The following GLT1D1 variants were observed in gnomAD, a reference collection of about 807,000 sequenced individuals.
GLT1D1 encodes the protein glycosyltransferase 1 domain containing 1.
Under a neutral mutation model 28.7 loss-of-function variants are expected in GLT1D1, and 21 were observed. The observed-to-expected ratio is 0.73, with a 90% CI of 0.52 to 1.05. GLT1D1 has a LOEUF of 1.05. Ranked by LOEUF, GLT1D1 falls within the 50% of genes least tolerant of loss-of-function variation. GLT1D1 has a pLI of 0.00. For missense variants in GLT1D1, 343 were observed against 330.6 expected (o/e 1.04, Z -0.29); for synonymous variants, 147 against 124.8 (o/e 1.18, Z -1.19).
chr12:128,906,986 G>T (rs1249975352), intron 4 of GLT1D1: 2 of 701,768 alleles, frequency 2.8e-6, no homozygotes, highest in African/African-American at 1.7e-5. Context: ...AGATGTTAGC[G>T]CTGGCCTAAT....
intron 7 of GLT1D1, among the ~76,000 whole-genome samples, chr12:128,972,576 T>C (rs28709781): frequency 0.21 from 32,060 of 152,148 alleles, 3,931 homozygotes; most frequent in Non-Finnish European, 0.28. Context: ...ACAAGACCCA[T>C]CATAAGGAAG....
chr12:128,941,569 C>CA (rs1555272265), intron 4 of GLT1D1, among the ~76,000 whole-genome samples: 2 of 107,556 alleles, frequency 1.9e-5, no homozygotes, highest in African/African-American at 4.0e-5. Context: ...CTCTCTTTCT[C>CA]TTTTTTTTTT....
intron 1 of GLT1D1, among the ~76,000 whole-genome samples, chr12:128,857,698 G>A (rs1386547196): frequency 6.6e-6 from 1 of 152,176 alleles, no homozygotes; most frequent in African/African-American, 2.4e-5. Flanking sequence ...GACACTTGGT[G>A]AAGGAGTTCC....
chr12:128,870,779 G>A (rs1956663419), intron 1 of GLT1D1, among the ~76,000 whole-genome samples: 1 of 152,120 alleles, frequency 6.6e-6, no homozygotes, highest in Non-Finnish European at 1.5e-5. Context: ...ATCACCTGAG[G>A]TTGGGAGTTC....
chr12:128,903,148 CT>C (rs1315523246), intron 4 of GLT1D1, among the ~76,000 whole-genome samples: 1 of 151,766 alleles, frequency 6.6e-6, no homozygotes, highest in Non-Finnish European at 1.5e-5. Flanking sequence ...TTCCTTGACC[CT>C]CCAGAATTGG....
At chr12:128,924,391 C>T (rs192105092) in intron 4 of GLT1D1, among the ~76,000 whole-genome samples, 9 of 149,214 alleles carry the variant, frequency 6.0e-5, no homozygotes, top group African/African-American at 2.2e-4. Context: ...CGTGCTGCTG[C>T]ACTCCAGCAT....
At chr12:128,877,993 G>A (rs1023889993) in intron 2 of GLT1D1, among the ~76,000 whole-genome samples, 14 of 152,314 alleles carry the variant, frequency 9.2e-5, no homozygotes, top group Middle Eastern at 6.8e-3. Flanking sequence ...TCCTCACGAT[G>A]TGATGGCCAG....
intron 2 of GLT1D1, among the ~76,000 whole-genome samples, chr12:128,879,420 T>TTCTTTC: frequency 9.5e-6 from 1 of 105,430 alleles, no homozygotes; most frequent in African/African-American, 4.0e-5. Context: ...CTTTCTTTCT[T>TTCTTTC]TCTTTCTTTC....
At chr12:128,981,305 G>T (rs1880297497) in intron 7 of GLT1D1, among the ~76,000 whole-genome samples, 1 of 152,158 alleles carries the variant, frequency 6.6e-6, no homozygotes, top group African/African-American at 2.4e-5. Flanking sequence ...TTGTAAAAGG[G>T]CCATGCATTC....
intron 4 of GLT1D1, among the ~76,000 whole-genome samples, chr12:128,924,610 C>T (rs991012545): frequency 2.0e-5 from 3 of 152,040 alleles, no homozygotes; most frequent in Middle Eastern, 3.4e-3. Flanking sequence ...GCCCCCGCCA[C>T]CACGCCCAGT....
intron 2 of GLT1D1, among the ~76,000 whole-genome samples, chr12:128,881,004 C>T (rs1194214182): frequency 1.4e-5 from 2 of 148,120 alleles, no homozygotes; most frequent in Non-Finnish European, 3.0e-5. Flanking sequence ...ACGGGCGGAT[C>T]ACGAGGTCAG....
At chr12:128,879,435 T>TTTCTTTCTTTCC (rs1956972091) in intron 2 of GLT1D1, among the ~76,000 whole-genome samples, 1 of 120,290 alleles carries the variant, frequency 8.3e-6, no homozygotes, top group Admixed American at 9.0e-5. Flanking sequence ...TCTTTCTTTC[T>TTTCTTTCTTTCC]TTCTTTCTTT....
In GLT1D1 at chr12:128,888,650, C is replaced by G. The variant is rs1238652659; in HGVS notation, c.229C>G (p.Pro77Ala). Residue 77 changes from proline (P) to alanine (A), a missense_variant, in exon 3 of 8, where the codon CCT (proline) becomes GCT (alanine). Pro to Ala is a conservative substitution (Grantham distance 27). Coordinates refer to ENST00000281703, the MANE Select transcript of GLT1D1 (RefSeq NM_144669.3). ...TCATCGTTTTGCAGGCCACCGAATCCCTTTTGGAGTCATCTTTGGTGGAAC... is the reference window on the plus strand; with the variant it reads ...TCATCGTTTTGCAGGCCACCGAATCGCTTTTGGAGTCATCTTTGGTGGAAC... The G allele has an allele frequency of 1.2e-6, 2 of 1,611,720 alleles. No individual in the cohort carries two copies. The highest frequency in any genetic ancestry group is 1.7e-6 in the Non-Finnish European group (2 of 1,178,408).
chr12:128,918,843 G>T (rs1872364915), intron 4 of GLT1D1, among the ~76,000 whole-genome samples: 1 of 152,244 alleles, frequency 6.6e-6, no homozygotes, highest in African/African-American at 2.4e-5. Flanking sequence ...TAGTCTCAGG[G>T]TTGACTGTTT....
chr12:128,877,650 C>A (rs751926338), intron 2 of GLT1D1, among the ~76,000 whole-genome samples: 1 of 152,204 alleles, frequency 6.6e-6, no homozygotes, highest in African/African-American at 2.4e-5. Flanking sequence ...TGTATTATTT[C>A]TCATTTCCAG....
intron 2 of GLT1D1, among the ~76,000 whole-genome samples, chr12:128,881,679 T>C (rs1490900612): frequency 6.9e-6 from 1 of 144,694 alleles, no homozygotes; most frequent in Admixed American, 7.1e-5. Flanking sequence ...AAAATATATA[T>C]TTTTTATGGA....
chr12:128,983,069 G>A lies in GLT1D1; in HGVS notation c.780G>A (p.Leu260=), dbSNP rs535059991. The A allele has an allele frequency of 6.2e-7, 1 of 1,614,096 alleles. No individual in the cohort carries two copies. Among genetic ancestry groups the A allele is most frequent in the Non-Finnish European group, 8.5e-7 (1 of 1,180,016 alleles). The change falls in exon 8 of 8, where the codon CTG becomes CTA. Residue 260 remains leucine (L), a synonymous_variant. Coordinates refer to ENST00000281703, the MANE Select transcript of GLT1D1 (RefSeq NM_144669.3). The surrounding 1 kb of genome is among the most constrained non-coding windows in gnomAD (Gnocchi z 4.7). ...CCTACCAACAGCTCATCAGGAAGCT[G>A]GAAGGAAGCACTGAAGATTGAGGGC...
chr12:128,887,725 C>T (rs1868564355), intron 2 of GLT1D1, among the ~76,000 whole-genome samples: 1 of 152,128 alleles, frequency 6.6e-6, no homozygotes, highest in African/African-American at 2.4e-5. Flanking sequence ...ATTTACATGA[C>T]AAAAACAATT....
intron 7 of GLT1D1, among the ~76,000 whole-genome samples, chr12:128,969,564 G>A (rs1055263420): frequency 6.6e-6 from 1 of 152,150 alleles, no homozygotes; most frequent in African/African-American, 2.4e-5. Flanking sequence ...CCAGGACGCG[G>A]GTGAGCCACA....
Sources: allele counts gnomAD v4.1 joint callset (sites outside exome capture counted in the v4.1 genomes callset), GRCh38; gene constraint gnomAD v4.1.1; non-coding constraint Gnocchi (gnomAD v3.1); transcripts MANE v1.5; gene names NCBI Gene and HGNC (gene_info 2026-07-23, HGNC 2026-07-21).